RPS6KA2: variants seen among roughly 807,000 people sequenced by gnomAD.
RPS6KA2 encodes ribosomal protein S6 kinase alpha-2.
In RPS6KA2, 42 loss-of-function variants were observed where a neutral mutation model predicts 91.8. That is an observed-to-expected ratio of 0.46 (90% confidence interval 0.36 to 0.59). The LOEUF (loss-of-function observed/expected upper bound fraction) is 0.59, where lower values mean the gene tolerates loss of function less well. RPS6KA2 is among the 20% of genes least tolerant of loss of function. The probability of loss-of-function intolerance (pLI) is 0.00; values close to 1 mark genes in which losing one functional copy is unlikely to be tolerated. For synonymous variants in RPS6KA2, 414 were observed against 393.6 expected (o/e 1.05, Z -0.61); for missense variants, 798 against 978.5 (o/e 0.82, Z 2.46).
In RPS6KA2 at chr6:166,508,143, C is replaced by T; in HGVS notation, c.459+60G>A. ...CTCTCAATGCTCTCCACCCCTCCTC[C>T]CCTCGAGTCCCAGACAGAAGCTCCT... On this transcript the variant is annotated intron_variant, in intron 5 of 20. Transcript: ENST00000265678. This position sits in a 1 kb window ranked among gnomAD's most constrained non-coding sequence, Gnocchi z 4.3. The T allele has an allele frequency of 1.8e-6, 2 of 1,090,616 alleles. No individual in the cohort carries two copies. The highest frequency in any genetic ancestry group is 3.1e-5 in the African/African-American group (2 of 64,640). The allele number at this position is 1,090,616 out of a possible 1,614,324, so 67.6% of individuals were successfully genotyped here. A position where few individuals can be genotyped will look rare whatever the true frequency, so the allele number is the denominator to read the frequency against.
chr6:166,748,661 C>T (rs1583074186), intron 2 of RPS6KA2, among the ~76,000 whole-genome samples: 3 of 85,774 alleles, frequency 3.5e-5, no homozygotes, highest in East Asian at 5.1e-4. Context: ...CCCACCTCCT[C>T]AGGCCCCCAT....
intron 2 of RPS6KA2, among the ~76,000 whole-genome samples, chr6:166,778,307 A>T (rs1253139863): frequency 2.6e-5 from 4 of 152,246 alleles, no homozygotes; most frequent in African/African-American, 9.6e-5. Context: ...TGACTGATCA[A>T]CCTCATACCA....
chr6:166,522,091 G>T (rs1782877378), intron 3 of RPS6KA2, among the ~76,000 whole-genome samples: 1 of 152,166 alleles, frequency 6.6e-6, no homozygotes, highest in Non-Finnish European at 1.5e-5. Flanking sequence ...GCAGAACTGT[G>T]AGAAAAAAAT....
chr6:166,633,775 G>A (rs931778923), intron 2 of RPS6KA2, among the ~76,000 whole-genome samples: 1 of 152,152 alleles, frequency 6.6e-6, no homozygotes, highest in Non-Finnish European at 1.5e-5. Context: ...TGCATTTCAT[G>A]ATCTCTTCCT....
Position 166,418,109 on chromosome 6 carries a change from G to T in RPS6KA2, c.1938+116C>A. The T allele has an allele frequency of 2.8e-6, 2 of 713,976 alleles. No individual in the cohort carries two copies. Among genetic ancestry groups the T allele is most frequent in the Non-Finnish European group, 2.4e-6 (1 of 420,296 alleles). 44.2% of individuals were successfully genotyped at this position (713,976 alleles called of 1,614,324 possible). A position where few individuals can be genotyped will look rare whatever the true frequency, so the allele number is the denominator to read the frequency against. Reference sequence around the variant, plus strand: ...CATTTCAAGAAAAAAAAAAAAATATGCTGAGGATAAAATACCTATACTACT... The same window carrying T: ...CATTTCAAGAAAAAAAAAAAAATATTCTGAGGATAAAATACCTATACTACT... On this transcript the variant is annotated intron_variant, in intron 19 of 20. Coordinates refer to ENST00000265678, the MANE Select transcript of RPS6KA2 (RefSeq NM_021135.6). The surrounding 1 kb of genome is among the most constrained non-coding windows in gnomAD (Gnocchi z 4.9).
chr6:166,505,825 T>C (rs1374695501), intron 5 of RPS6KA2, among the ~76,000 whole-genome samples: 1 of 152,208 alleles, frequency 6.6e-6, no homozygotes, highest in Non-Finnish European at 1.5e-5. Flanking sequence ...TCTAGATCGG[T>C]TAAGGTGCTC....
At chr6:166,583,641 C>G (rs1192805297) in intron 1 of RPS6KA2, among the ~76,000 whole-genome samples, 6 of 152,162 alleles carry the variant, frequency 3.9e-5, no homozygotes, top group Admixed American at 3.9e-4. Context: ...CGAAGCTAAG[C>G]CCACTGAATT....
chr6:166,823,575 G>C (rs971043799), intron 2 of RPS6KA2, among the ~76,000 whole-genome samples: 7 of 152,232 alleles, frequency 4.6e-5, no homozygotes, highest in Middle Eastern at 3.4e-3. Flanking sequence ...TGTGGGCTTA[G>C]GGGAAGAGAT....
chr6:166,649,335 A>C (rs1378922589), intron 2 of RPS6KA2, among the ~76,000 whole-genome samples: 1 of 152,154 alleles, frequency 6.6e-6, no homozygotes, highest in East Asian at 1.9e-4. Context: ...ATTTCCCATT[A>C]AGATAAAACT....
At chr6:166,590,056 G>A (rs1464026060) in intron 1 of RPS6KA2, among the ~76,000 whole-genome samples, 1 of 152,140 alleles carries the variant, frequency 6.6e-6, no homozygotes, top group African/African-American at 2.4e-5. Flanking sequence ...GAATACAGAC[G>A]GTGCTGTGGA....
Position 166,627,159 on chromosome 6 carries a change from G to A in RPS6KA2, c.-140C>T. 4 of 1,101,126 alleles carry A rather than the reference G, an allele frequency of 3.6e-6. No homozygotes were observed. Among genetic ancestry groups the A allele is most frequent in the Non-Finnish European group, 4.4e-6 (4 of 905,450 alleles). 68.2% of individuals were successfully genotyped at this position (1,101,126 alleles called of 1,614,324 possible). On this transcript the variant is annotated 5_prime_UTR_variant, in exon 1 of 21. Transcript: ENST00000265678. Reference sequence around the variant, plus strand: ...CGGCCATGGGCGCGGGGCGTGGGGCGCGAGCTGCGGTCACAAAGGGCAGGC... The same window carrying A: ...CGGCCATGGGCGCGGGGCGTGGGGCACGAGCTGCGGTCACAAAGGGCAGGC...
intron 2 of RPS6KA2, among the ~76,000 whole-genome samples, chr6:166,774,009 C>T (rs1309609984): frequency 3.3e-5 from 5 of 152,130 alleles, no homozygotes; most frequent in South Asian, 2.1e-4. Flanking sequence ...AACAAATACT[C>T]GCCAACCTTT....
chr6:166,691,258 C>T (rs1789198732), intron 2 of RPS6KA2, among the ~76,000 whole-genome samples: 1 of 152,138 alleles, frequency 6.6e-6, no homozygotes, highest in Admixed American at 6.5e-5. Flanking sequence ...TGGATTCTTT[C>T]CTTCTCTGTT....
At chr6:166,575,619 C>T (rs1345984363) in intron 1 of RPS6KA2, among the ~76,000 whole-genome samples, 1 of 151,906 alleles carries the variant, frequency 6.6e-6, no homozygotes, top group Non-Finnish European at 1.5e-5. Context: ...TTTTTCTTTC[C>T]TTTTTTACAT....
rs141868317 is a variant in RPS6KA2 at position 166,419,933 on chromosome 6, G to A, written c.1769C>T (p.Ala590Val). 6.8e-6 allele frequency: 11 copies of A among 1,613,594 alleles called. No homozygotes were observed. Among genetic ancestry groups the A allele is most frequent in the African/African-American group, 2.7e-5 (2 of 74,900 alleles). Residue 590 changes from alanine to valine, a missense_variant, in exon 18 of 21, where the codon GCG (alanine) becomes GTG (valine). Ala to Val is a moderately conservative substitution (Grantham distance 64). Coordinates refer to ENST00000265678, the MANE Select transcript of RPS6KA2 (RefSeq NM_021135.6). This position sits in a 1 kb window ranked among gnomAD's most constrained non-coding sequence, Gnocchi z 5.6. The part of the protein sequence containing the change: ...PEVLKRQGYD[A>V]ACDIWSLGIL... ...CCCCAAACTCCAGATGTCACACGCCGCATCATAGCCTTGACGCTTCAGGAC... is the reference window on the plus strand; with the variant it reads ...CCCCAAACTCCAGATGTCACACGCCACATCATAGCCTTGACGCTTCAGGAC...
chr6:166,607,275 A>T (rs1048200457), intron 1 of RPS6KA2, among the ~76,000 whole-genome samples: 1 of 151,892 alleles, frequency 6.6e-6, no homozygotes, highest in Admixed American at 6.6e-5. Context: ...CAGCAATTCC[A>T]CTCCCAGGTA....
Position 166,448,957 on chromosome 6 carries a change from G to T in RPS6KA2, c.1207-108C>A. ...CGAAGAGAGGCACCGACTGTGAACTGAGTGTGTGGAGGCCTGGGAGCTCAT... is the reference window on the plus strand; with the variant it reads ...CGAAGAGAGGCACCGACTGTGAACTTAGTGTGTGGAGGCCTGGGAGCTCAT... On this transcript the variant is annotated intron_variant, in intron 13 of 20. Coordinates refer to ENST00000265678, the MANE Select transcript of RPS6KA2 (RefSeq NM_021135.6). This position sits in a 1 kb window ranked among gnomAD's most constrained non-coding sequence, Gnocchi z 4.7. 1 of 1,360,500 alleles carries T rather than the reference G, an allele frequency of 7.4e-7. No homozygotes were observed. The highest frequency in any genetic ancestry group is 1.0e-6 in the Non-Finnish European group (1 of 979,900). 84.3% of individuals were successfully genotyped at this position (1,360,500 alleles called of 1,614,324 possible).
intron 2 of RPS6KA2, among the ~76,000 whole-genome samples, chr6:166,723,282 G>A (rs1392330461): frequency 2.0e-5 from 3 of 152,260 alleles, no homozygotes; most frequent in Non-Finnish European, 4.4e-5. Context: ...TTAAGGACCA[G>A]CTGAGGTGCC....
At chr6:166,543,364 C>T (rs925564911) in intron 1 of RPS6KA2, among the ~76,000 whole-genome samples, 5 of 152,204 alleles carry the variant, frequency 3.3e-5, no homozygotes, top group African/African-American at 1.2e-4. Context: ...ATTCCAGGCC[C>T]TGGGCAAGGC....
Sources: gnomAD v4.1 joint callset for allele counts (sites outside exome capture counted in the v4.1 genomes callset) on GRCh38, gnomAD v4.1.1 for gene constraint, Gnocchi (gnomAD v3.1) non-coding constraint, MANE v1.5 for transcripts, NCBI Gene and HGNC (gene_info 2026-07-23, HGNC 2026-07-21) for gene names.